NAV2: variants seen among roughly 807,000 people sequenced by gnomAD.
NAV2 encodes the protein neuron navigator 2.
In NAV2, 54 loss-of-function variants were observed where a neutral mutation model predicts 223.2. The observed-to-expected ratio is 0.24, with a 90% CI of 0.19 to 0.30. NAV2 has a LOEUF of 0.30. Ranked by LOEUF, NAV2 falls within the 10% of genes least tolerant of loss-of-function variation. The pLI is 1.00. For missense variants in NAV2, 2,806 were observed against 3,147.5 expected (o/e 0.89, Z 2.60); for synonymous variants, 1,279 against 1,239.3 (o/e 1.03, Z -0.67).
intron 6 of NAV2, among the ~76,000 whole-genome samples, chr11:19,897,018 T>G (rs909093334): frequency 1.3e-5 from 2 of 151,830 alleles, no homozygotes; most frequent in African/African-American, 4.8e-5. Flanking sequence ...ATTAAGAAAA[T>G]GTGGCACATA....
At chr11:19,515,393 A>G (rs553197305) in intron 1 of NAV2, among the ~76,000 whole-genome samples, 4 of 152,280 alleles carry the variant, frequency 2.6e-5, no homozygotes, top group South Asian at 2.1e-4. Flanking sequence ...TACATCAACC[A>G]TGTATTTTCT....
At chr11:20,044,947 T>C in intron 13 of NAV2, 21 bp from the exon 14 acceptor site, 1 of 1,579,760 alleles carries the variant, frequency 6.3e-7, no homozygotes, top group African/African-American at 1.4e-5. Context: ...TGCAGGCTAA[T>C]CTTGCTGATC....
intron 34 of NAV2, 121 bp from the exon 35 acceptor site, chr11:20,105,410 G>C (rs1364007672): frequency 1.3e-6 from 1 of 762,082 alleles, no homozygotes; most frequent in Non-Finnish European, 2.2e-6. Context: ...TCGGTGCATA[G>C]CTAATCCAAT....
At chr11:19,645,475 A>G (rs1181422523) in intron 1 of NAV2, among the ~76,000 whole-genome samples, 3 of 152,146 alleles carry the variant, frequency 2.0e-5, no homozygotes, top group Non-Finnish European at 4.4e-5. Flanking sequence ...TGGGGGCCAT[A>G]ATTCCACCTA....
At chr11:19,825,401 C>A (rs930659004) in intron 1 of NAV2, among the ~76,000 whole-genome samples, 1 of 146,544 alleles carries the variant, frequency 6.8e-6, no homozygotes, top group African/African-American at 2.5e-5. Flanking sequence ...CCCTTACAAT[C>A]AATCCACTGG....
chr11:19,691,475 T>C (rs981494419), intron 1 of NAV2, among the ~76,000 whole-genome samples: 12 of 152,268 alleles, frequency 7.9e-5, no homozygotes, highest in Admixed American at 5.9e-4. Flanking sequence ...AGTTGTCACA[T>C]GTGGCTTCTA....
chr11:19,375,338 A>G (rs892489582), intron 1 of NAV2, among the ~76,000 whole-genome samples: 1 of 152,228 alleles, frequency 6.6e-6, no homozygotes, highest in Non-Finnish European at 1.5e-5. Context: ...AATTTATCCC[A>G]GAAGATGGCT....
chr11:19,847,578 C>T (rs562856635), intron 3 of NAV2, among the ~76,000 whole-genome samples: 110 of 152,316 alleles, frequency 7.2e-4, no homozygotes, highest in African/African-American at 2.5e-3. Flanking sequence ...GAGCTAATTA[C>T]TTGACTCTTT....
chr11:19,842,694 A>G (rs988827053), intron 2 of NAV2, among the ~76,000 whole-genome samples, 177 bp from the exon 3 acceptor site: 140 of 152,294 alleles, frequency 9.2e-4, no homozygotes, highest in African/African-American at 3.2e-3. Flanking sequence ...GGAGGACGGC[A>G]GCTCGATGAG....
intron 5 of NAV2, among the ~76,000 whole-genome samples, chr11:19,890,363 T>C (rs185517472): frequency 6.6e-6 from 1 of 152,306 alleles, no homozygotes; most frequent in East Asian, 1.9e-4. Flanking sequence ...AAAGTCCTTA[T>C]CCTGTCCTAA....
intron 1 of NAV2, among the ~76,000 whole-genome samples, chr11:19,471,108 C>T (rs1382761000): frequency 6.6e-6 from 1 of 152,156 alleles, no homozygotes; most frequent in Non-Finnish European, 1.5e-5. Context: ...TTGAAGTCTG[C>T]CTTCTGTGCC....
chr11:19,908,078 GA>G (rs1189902972), intron 6 of NAV2, among the ~76,000 whole-genome samples: 2 of 152,320 alleles, frequency 1.3e-5, no homozygotes, highest in East Asian at 1.9e-4. Context: ...TTGGCAACCG[GA>G]ATGGCCACTG....
chr11:19,856,888 T>C (rs1040356596), intron 3 of NAV2, among the ~76,000 whole-genome samples: 4 of 152,200 alleles, frequency 2.6e-5, no homozygotes, highest in African/African-American at 9.7e-5. Flanking sequence ...GTACACACTA[T>C]CGTTGGAATT....
intron 1 of NAV2, among the ~76,000 whole-genome samples, chr11:19,646,306 C>T (rs1823244448): frequency 6.6e-6 from 1 of 152,178 alleles, no homozygotes; most frequent in Non-Finnish European, 1.5e-5. Flanking sequence ...TGAGGGGCTG[C>T]AGAATGGAGC....
At chr11:20,106,522 T>C (rs2062121697) in intron 35 of NAV2, among the ~76,000 whole-genome samples, 1 of 134,510 alleles carries the variant, frequency 7.4e-6, no homozygotes, top group Non-Finnish European at 1.6e-5. Flanking sequence ...ATTGCGCCAT[T>C]GCACTCCAGC....
chr11:19,653,385 G>A (rs1211367703), intron 1 of NAV2, among the ~76,000 whole-genome samples: 1 of 152,228 alleles, frequency 6.6e-6, no homozygotes, highest in East Asian at 1.9e-4. Flanking sequence ...AGGAGGACAA[G>A]AGGAAGAGAA....
At chr11:19,435,090 G>A (rs1467662601) in intron 1 of NAV2, among the ~76,000 whole-genome samples, 1 of 151,990 alleles carries the variant, frequency 6.6e-6, no homozygotes, top group Non-Finnish European at 1.5e-5. Context: ...TCATTTCTTT[G>A]TGGTGAAAAC....
intron 1 of NAV2, among the ~76,000 whole-genome samples, chr11:19,634,340 G>A (rs1314370979): frequency 6.6e-6 from 1 of 152,192 alleles, no homozygotes; most frequent in Non-Finnish European, 1.5e-5. Flanking sequence ...TCTACTTGAA[G>A]GTGGAGGGTG....
rs139438258 is a variant in NAV2, at chr11:19,422,244, G to A, written c.75+71217G>A. Among the ~76,000 whole-genome samples, 152 of 152,260 alleles carry A rather than the reference G, an allele frequency of 1.0e-3. 1 individual carries two copies. The highest frequency in any genetic ancestry group is 3.5e-3 in the African/African-American group (144 of 41,562). On this transcript the variant is annotated intron_variant, in intron 1 of 37. Coordinates refer to the NAV2 transcript ENST00000360655. ...AGTGCCAGTCTGGGGGGCGGGGAGCGGGTGGAAATCACGCCTTGGTACGTG... is the reference window on the plus strand; with the variant it reads ...AGTGCCAGTCTGGGGGGCGGGGAGCAGGTGGAAATCACGCCTTGGTACGTG...
Sources: allele counts gnomAD v4.1 joint callset (sites outside exome capture counted in the v4.1 genomes callset), GRCh38; gene constraint gnomAD v4.1.1; transcripts MANE v1.5; gene names NCBI Gene and HGNC (gene_info 2026-07-23, HGNC 2026-07-21).